Variants in SPATA7 observed in about 807,000 individuals in gnomAD.
SPATA7 encodes spermatogenesis associated 7.
SPATA7 carries 43 observed loss-of-function variants against 51.8 expected under a neutral mutation model. That is an observed-to-expected ratio of 0.83 (90% confidence interval 0.65 to 1.07). SPATA7 has a LOEUF of 1.07. SPATA7 is among the 50% of genes least tolerant of loss of function. The pLI, the probability that SPATA7 is intolerant of heterozygous loss-of-function variation, is 0.00. For synonymous variants in SPATA7, 230 were observed against 252.8 expected (o/e 0.91, Z 0.86); for missense variants, 683 against 701.3 (o/e 0.97, Z 0.30).
intron 5 of SPATA7, among the ~76,000 whole-genome samples, chr14:88,425,306 C>T (rs993988643): frequency 6.6e-6 from 1 of 152,098 alleles, no homozygotes; most frequent in East Asian, 1.9e-4. Context: ...ATACAGGAAG[C>T]CTTTTTCCTT....
At chr14:88,427,543 G>T (rs996385836) in intron 6 of SPATA7, 87 bp from the exon 7 acceptor site, 1 of 842,458 alleles carries the variant, frequency 1.2e-6, no homozygotes, top group East Asian at 2.7e-5. Context: ...CATTCTTTTT[G>T]AGTTTATTTT....
At chr14:88,426,137 C>A (rs2076783693) in intron 5 of SPATA7, 95 bp from the exon 6 acceptor site, 1 of 884,822 alleles carries the variant, frequency 1.1e-6, no homozygotes, top group African/African-American at 1.7e-5. Flanking sequence ...TTTTGTAAAC[C>A]CTTGAGGCTA....
chr14:88,415,227 CTG>C (rs1221749258), intron 4 of SPATA7: 1 of 354,468 alleles, frequency 2.8e-6, no homozygotes, highest in Non-Finnish European at 5.9e-6. Context: ...TTGTATGAAT[CTG>C]GGTGCTCCAG....
At chr14:88,431,036 T>C (rs1430507129) in intron 8 of SPATA7, 136 bp from the exon 9 acceptor site, 2 of 866,664 alleles carry the variant, frequency 2.3e-6, no homozygotes, top group African/African-American at 3.3e-5. Context: ...TATTCCAAAA[T>C]CCAAATTCTG....
intron 10 of SPATA7, among the ~76,000 whole-genome samples, 178 bp downstream of exon 10, chr14:88,433,390 A>G (rs774592144): frequency 2.6e-5 from 4 of 152,180 alleles, no homozygotes; most frequent in Non-Finnish European, 4.4e-5. Context: ...TGTTTAATTC[A>G]TACTCTAGGG....
Position 88,469,003 on chromosome 14 carries a change from C to T in SPATA7, c.255-844C>T, listed in dbSNP as rs150207988. 74 of 1,614,162 alleles carry T rather than the reference C, an allele frequency of 4.6e-5. No individual in the cohort carries two copies. Among genetic ancestry groups the T allele is most frequent in the East Asian group, 1.3e-4 (6 of 44,884 alleles). ...CCCCAGCACTGCAGTGGACCAACAA[C>T]GGAGGGTTGGGGCTTTGGGGATCAC... On this transcript the variant is annotated intron_variant, in intron 4 of 4. Transcript: ENST00000556406. This position sits in a 1 kb window ranked among gnomAD's most constrained non-coding sequence, Gnocchi z 4.3.
chr14:88,418,904 A>G (rs1451418080), intron 5 of SPATA7, among the ~76,000 whole-genome samples: 2 of 152,204 alleles, frequency 1.3e-5, no homozygotes, highest in African/African-American at 2.4e-5. Flanking sequence ...TGATTAGGAA[A>G]CATCTATATT....
At chr14:88,427,580 A>G in intron 6 of SPATA7, 50 bp from the exon 7 acceptor site, 1 of 1,272,846 alleles carries the variant, frequency 7.9e-7, no homozygotes, top group Non-Finnish European at 1.1e-6. Context: ...TTGTTACCAC[A>G]GTGCTTATAT....
chr14:88,402,854 C>G (rs73321868), intron 4 of SPATA7, among the ~76,000 whole-genome samples: 5,356 of 146,848 alleles, frequency 0.036, 309 homozygotes, highest in African/African-American at 0.13. Context: ...AAACAATCGA[C>G]AGAGTGCATA....
intron 5 of SPATA7, among the ~76,000 whole-genome samples, chr14:88,420,155 A>G (rs2076601581): frequency 6.6e-6 from 1 of 152,180 alleles, no homozygotes; most frequent in Admixed American, 6.5e-5. Flanking sequence ...CACCAAGAGA[A>G]GGTGGGAAAG....
At chr14:88,434,641 G>A (rs551475030) in intron 10 of SPATA7, among the ~76,000 whole-genome samples, 7 of 149,190 alleles carry the variant, frequency 4.7e-5, no homozygotes, top group African/African-American at 1.5e-4. Context: ...AGCTGAGATC[G>A]CGCCACCGCA....
downstream of SPATA7, among the ~76,000 whole-genome samples, chr14:88,458,891 A>G (rs1223820319): frequency 1.3e-5 from 2 of 152,136 alleles, no homozygotes; most frequent in Non-Finnish European, 2.9e-5. Context: ...ACACTGCTTT[A>G]AATGTGTCCC....
downstream of SPATA7, among the ~76,000 whole-genome samples, chr14:88,442,293 G>A (rs1030622552): frequency 2.0e-5 from 3 of 152,006 alleles, no homozygotes; most frequent in African/African-American, 7.2e-5. Flanking sequence ...GGGTTCAAGC[G>A]ATTCTCCGAC....
intron 3 of SPATA7, among the ~76,000 whole-genome samples, chr14:88,395,625 G>GT (rs139126420): frequency 0.035 from 5,351 of 151,914 alleles, 310 homozygotes; most frequent in African/African-American, 0.12. Context: ...TGTTTGTTTT[G>GT]TTTTTTTGCC....
intron 8 of SPATA7, among the ~76,000 whole-genome samples, chr14:88,430,082 T>C (rs200511981): frequency 6.6e-6 from 1 of 152,058 alleles, no homozygotes; most frequent in East Asian, 1.9e-4. Context: ...GATGCCTCGA[T>C]AGTTTCAGTT....
intron 3 of SPATA7, among the ~76,000 whole-genome samples, chr14:88,448,556 G>A (rs2077229995): frequency 6.6e-6 from 1 of 152,154 alleles, no homozygotes; most frequent in Non-Finnish European, 1.5e-5. Flanking sequence ...AGGAGGAGAG[G>A]CGCTCTGCTT....
At chr14:88,404,825 A>C (rs2076162392) in intron 4 of SPATA7, among the ~76,000 whole-genome samples, 1 of 152,226 alleles carries the variant, frequency 6.6e-6, no homozygotes, top group South Asian at 2.1e-4. Flanking sequence ...TCATTGATTT[A>C]TTCAGCATAT....
intron 4 of SPATA7, among the ~76,000 whole-genome samples, chr14:88,464,077 G>A (rs2077336484): frequency 6.6e-6 from 1 of 152,026 alleles, no homozygotes; most frequent in Non-Finnish European, 1.5e-5. Context: ...CTGACATCGT[G>A]ATCCACCCGC....
At chr14:88,397,643 GAAAAAAAA>G (rs762638350) in intron 4 of SPATA7, among the ~76,000 whole-genome samples, 1 of 70,790 alleles carries the variant, frequency 1.4e-5, no homozygotes, top group Non-Finnish European at 3.1e-5. Context: ...GCTGTCTCAA[GAAAAAAAA>G]AAAAAAAGGA....
Sources: gnomAD v4.1 joint callset for allele counts (sites outside exome capture counted in the v4.1 genomes callset) on GRCh38, gnomAD v4.1.1 for gene constraint, Gnocchi (gnomAD v3.1) non-coding constraint, MANE v1.5 for transcripts, NCBI Gene and HGNC (gene_info 2026-07-23, HGNC 2026-07-21) for gene names.